ZNF804A: variants seen among roughly 807,000 people sequenced by gnomAD.
ZNF804A encodes zinc finger protein 804A.
Under a neutral mutation model 16.5 loss-of-function variants are expected in ZNF804A, and 2 were observed. The observed-to-expected ratio is 0.12, with a 90% confidence interval of 0.05 to 0.38. ZNF804A has a LOEUF of 0.38. Among genes scored for constraint, ZNF804A ranks in the 10% least tolerant of loss-of-function variants. The probability of loss-of-function intolerance (pLI) is 0.99; values close to 1 mark genes in which losing one functional copy is unlikely to be tolerated. For missense variants in ZNF804A, 1,473 were observed against 1,390.7 expected, an observed-to-expected ratio of 1.06 and a Z score of -0.94; for synonymous variants, 534 against 489.6, an observed-to-expected ratio of 1.09 and a Z score of -1.20.
intron 1 of ZNF804A, among the ~76,000 whole-genome samples, chr2:184,717,606 A>G (rs889819769): frequency 2.0e-5 from 3 of 152,206 alleles, no homozygotes; most frequent in Non-Finnish European, 4.4e-5. Flanking sequence ...GAAAAGGGTT[A>G]TTGCATTACA....
At chr2:184,856,495 C>G (rs561436200) in intron 1 of ZNF804A, among the ~76,000 whole-genome samples, 1 of 152,102 alleles carries the variant, frequency 6.6e-6, no homozygotes, top group South Asian at 2.1e-4. Flanking sequence ...CTTAGTTACC[C>G]TGAACACATT....
chr2:184,813,725 T>A (rs1694933682), intron 1 of ZNF804A, among the ~76,000 whole-genome samples: 1 of 152,068 alleles, frequency 6.6e-6, no homozygotes, highest in African/African-American at 2.4e-5. Flanking sequence ...TTATATGACA[T>A]GTGCCTGCCA....
chr2:184,831,940 A>G (rs1695267191), intron 1 of ZNF804A, among the ~76,000 whole-genome samples: 1 of 151,986 alleles, frequency 6.6e-6, no homozygotes. Flanking sequence ...TTAATACTGA[A>G]CTACACGTGA....
intron 1 of ZNF804A, among the ~76,000 whole-genome samples, chr2:184,672,246 G>A (rs894052331): frequency 6.6e-6 from 1 of 152,094 alleles, no homozygotes; most frequent in East Asian, 1.9e-4. Context: ...ATGCTCTATG[G>A]TCCTAACAGT....
intron 1 of ZNF804A, among the ~76,000 whole-genome samples, chr2:184,652,745 T>C (rs1320195644): frequency 6.6e-6 from 1 of 152,188 alleles, no homozygotes; most frequent in Non-Finnish European, 1.5e-5. Context: ...TCATCTTGAA[T>C]TGTAGTTCCC....
intron 2 of ZNF804A, among the ~76,000 whole-genome samples, chr2:184,907,614 G>T (rs534891888): frequency 6.6e-6 from 1 of 152,066 alleles, no homozygotes; most frequent in East Asian, 1.9e-4. Flanking sequence ...GTTGTGTCTT[G>T]CCAGAAACAA....
chr2:184,676,476 A>G (rs1022899949), intron 1 of ZNF804A, among the ~76,000 whole-genome samples: 10 of 151,666 alleles, frequency 6.6e-5, no homozygotes, highest in Non-Finnish European at 1.3e-4. Context: ...AATTTACAAT[A>G]TTAGGTTGAT....
At chr2:184,649,510 A>G (rs1012751810) in intron 1 of ZNF804A, among the ~76,000 whole-genome samples, 2 of 152,130 alleles carry the variant, frequency 1.3e-5, no homozygotes, top group South Asian at 4.1e-4. Context: ...AGGATAAACA[A>G]GATTGATAGA....
chr2:184,753,814 A>G (rs1693913651), intron 1 of ZNF804A, among the ~76,000 whole-genome samples: 1 of 151,906 alleles, frequency 6.6e-6, no homozygotes, highest in Non-Finnish European at 1.5e-5. Context: ...ATAAGCTAAC[A>G]TGTGGATGAA....
Position 184,814,039 on chromosome 2 carries a change from G to C in ZNF804A, c.112-52330G>C, listed in dbSNP as rs1378493962. ...TTTTTTTTGGCTTGTCTACTACTCT[G>C]TTCCAAGCACCTAAAATAGTACCAA... On this transcript the variant is annotated intron_variant, in intron 1 of 3. Coordinates refer to ENST00000302277, the MANE Select transcript of ZNF804A (RefSeq NM_194250.2). 6.4e-5 allele frequency among the ~76,000 whole-genome samples: 6 copies of C among 93,056 alleles called. No homozygotes were observed. The Admixed American group carries it at 1.0e-3, about 16-fold the overall frequency. 61.0% of individuals were successfully genotyped at this position (93,056 alleles called of 152,430 possible).
rs139769838 is a variant in ZNF804A, at chr2:184,909,658, G to A, written c.256-23945G>A. The stretch of plus-strand genomic sequence containing the variant: ...ACAGTTATTTTGTCTTAATTTACAA[G>A]ATAAATTCACCTCTGGGTCAATTTT... On this transcript the variant is annotated intron_variant, in intron 2 of 3. Transcript: ENST00000302277. 7.3e-4 allele frequency among the ~76,000 whole-genome samples: 111 copies of A among 151,866 alleles called. 3 individuals carry two copies. In the East Asian group the frequency reaches 0.019, roughly 26 times the overall value.
rs913712376 is a variant in ZNF804A, at chr2:184,921,692, C to G, written c.256-11911C>G. ...TAAATTATTTTTCTGCTATAGTCAC[C>G]TTTTTGTGCTCAAAAATACTAGGAG... On this transcript the variant is annotated intron_variant, in intron 2 of 3. Coordinates refer to ENST00000302277, the MANE Select transcript of ZNF804A (RefSeq NM_194250.2). 1.2e-4 allele frequency among the ~76,000 whole-genome samples: 18 copies of G among 152,024 alleles called. 1 individual carries two copies. Among genetic ancestry groups the G allele is most frequent in the Admixed American group, 1.0e-3 (16 of 15,250 alleles).
At chr2:184,854,834 A>G (rs1695662034) in intron 1 of ZNF804A, among the ~76,000 whole-genome samples, 1 of 152,060 alleles carries the variant, frequency 6.6e-6, no homozygotes. Context: ...ATGCTACTTA[A>G]TGGTATGCTG....
At chr2:184,805,272 T>C (rs116498571) in intron 1 of ZNF804A, among the ~76,000 whole-genome samples, 141 of 152,296 alleles carry the variant, frequency 9.3e-4, no homozygotes, top group African/African-American at 3.2e-3. Flanking sequence ...GAAATATCTG[T>C]ATCTCTGTGT....
intron 1 of ZNF804A, among the ~76,000 whole-genome samples, chr2:184,647,892 C>A (rs1691910006): frequency 6.6e-6 from 1 of 152,034 alleles, no homozygotes; most frequent in African/African-American, 2.4e-5. Context: ...GGAACACTTG[C>A]AAGATATGCT....
chr2:184,875,453 C>T (rs749605149), intron 2 of ZNF804A, among the ~76,000 whole-genome samples: 6 of 152,060 alleles, frequency 3.9e-5, no homozygotes, highest in Non-Finnish European at 7.4e-5. Flanking sequence ...TGTGATCTTC[C>T]CATGCTGGCT....
intron 1 of ZNF804A, among the ~76,000 whole-genome samples, chr2:184,865,309 A>C (rs536043878): frequency 1.3e-5 from 2 of 152,046 alleles, no homozygotes; most frequent in Admixed American, 6.5e-5. Flanking sequence ...AACATTGTCC[A>C]ATTTTCACTT....
chr2:184,782,512 C>CT (rs1328072565), intron 1 of ZNF804A, among the ~76,000 whole-genome samples: 1 of 151,490 alleles, frequency 6.6e-6, no homozygotes, highest in Non-Finnish European at 1.5e-5. Flanking sequence ...ACATGTTTCT[C>CT]TCATGCTGGA....
At chr2:184,902,551 T>G (rs370205327) in intron 2 of ZNF804A, 5 of 152,314 alleles carry the variant, frequency 3.3e-5, no homozygotes, top group African/African-American at 1.2e-4. Context: ...CAGGAGCCTC[T>G]TTCATGACCT....
Sources: gnomAD v4.1 joint callset for allele counts (sites outside exome capture counted in the v4.1 genomes callset) on GRCh38, gnomAD v4.1.1 for gene constraint, MANE v1.5 for transcripts, NCBI Gene and HGNC (gene_info 2026-07-23, HGNC 2026-07-21) for gene names.